Variants in PTPRD observed in about 807,000 individuals in gnomAD.
PTPRD encodes the protein protein tyrosine phosphatase receptor type D, also known as receptor-type tyrosine-protein phosphatase delta.
PTPRD carries 34 observed loss-of-function variants against 214.5 expected under a neutral mutation model. That is an observed-to-expected ratio of 0.16 (90% confidence interval 0.12 to 0.21). PTPRD has a LOEUF of 0.21. PTPRD is among the 10% of genes least tolerant of loss of function. The pLI is 1.00. For missense variants in PTPRD, 2,545 were observed against 2,398.7 expected (o/e 1.06, Z -1.27); for synonymous variants, 1,128 against 845.7 (o/e 1.33, Z -5.79).
At chr9:8,935,245 A>T (rs1021256510) in intron 11 of PTPRD, among the ~76,000 whole-genome samples, 2 of 152,198 alleles carry the variant, frequency 1.3e-5, no homozygotes, top group African/African-American at 4.8e-5. Flanking sequence ...TAATAAAAAA[A>T]TTCAGTAAAG....
intron 5 of PTPRD, among the ~76,000 whole-genome samples, chr9:9,916,946 A>G (rs1438131216): frequency 6.6e-6 from 1 of 151,934 alleles, no homozygotes; most frequent in Non-Finnish European, 1.5e-5. Context: ...GAAATTAAAC[A>G]ACATGTTCTC....
At chr9:10,460,043 G>A (rs565001988) in intron 2 of PTPRD, among the ~76,000 whole-genome samples, 1 of 152,086 alleles carries the variant, frequency 6.6e-6, no homozygotes, top group East Asian at 1.9e-4. Flanking sequence ...GAGAGTTTCG[G>A]AGATGGATGG....
At chr9:9,803,092 A>G (rs952449347) in intron 5 of PTPRD, among the ~76,000 whole-genome samples, 4 of 151,950 alleles carry the variant, frequency 2.6e-5, no homozygotes, top group African/African-American at 9.7e-5. Context: ...AAATTTAAAA[A>G]TCTATAATTA....
At chr9:9,499,312 T>C (rs1193651166) in intron 8 of PTPRD, among the ~76,000 whole-genome samples, 2 of 152,116 alleles carry the variant, frequency 1.3e-5, no homozygotes, top group Non-Finnish European at 1.5e-5. Context: ...TGTGCATTCA[T>C]GGCAGGGAAA....
At chr9:9,320,122 T>A (rs1965703430) in intron 9 of PTPRD, among the ~76,000 whole-genome samples, 1 of 152,206 alleles carries the variant, frequency 6.6e-6, no homozygotes, top group Non-Finnish European at 1.5e-5. Context: ...AACTCAAATT[T>A]AGGTATATAA....
At chr9:8,682,974 G>C (rs546804193) in intron 12 of PTPRD, among the ~76,000 whole-genome samples, 8 of 152,202 alleles carry the variant, frequency 5.3e-5, no homozygotes, top group African/African-American at 1.9e-4. Context: ...CCCAAAAAAA[G>C]TGTCTAAAGG....
chr9:9,691,136 T>G (rs1230433177), intron 7 of PTPRD, among the ~76,000 whole-genome samples: 1 of 151,982 alleles, frequency 6.6e-6, no homozygotes, highest in Non-Finnish European at 1.5e-5. Flanking sequence ...AGCATTATCC[T>G]TTGTGTTTTA....
At chr9:8,681,223 T>C (rs1212824499) in intron 12 of PTPRD, among the ~76,000 whole-genome samples, 2 of 152,246 alleles carry the variant, frequency 1.3e-5, no homozygotes, top group Admixed American at 1.3e-4. Context: ...TTTTAGATGT[T>C]AGAAATCAGT....
Position 9,427,539 on chromosome 9 carries a change from T to C in PTPRD, c.-236-30057A>G, listed in dbSNP as rs763528973. On this transcript the variant is annotated intron_variant, in intron 8 of 45. Transcript: ENST00000381196. Reference sequence around the variant, plus strand: ...CCCAACCTAGCAAGGCAGGCCAACATTGAAATCAGGAAACACAGAAAATGC... The same window carrying C: ...CCCAACCTAGCAAGGCAGGCCAACACTGAAATCAGGAAACACAGAAAATGC... 4.3e-4 allele frequency among the ~76,000 whole-genome samples: 45 copies of C among 103,732 alleles called. No homozygotes were observed. The Middle Eastern group carries it at 0.02, about 46-fold the overall frequency. 68.1% of individuals were successfully genotyped at this position (103,732 alleles called of 152,430 possible). A position where few individuals can be genotyped will look rare whatever the true frequency, so the allele number is the denominator to read the frequency against.
intron 3 of PTPRD, among the ~76,000 whole-genome samples, chr9:10,244,328 T>G (rs747331933): frequency 5.9e-5 from 9 of 152,150 alleles, no homozygotes; most frequent in Non-Finnish European, 1.3e-4. Context: ...TATTGATTTA[T>G]GCAGTCTGCC....
intron 3 of PTPRD, among the ~76,000 whole-genome samples, chr9:10,221,740 G>C (rs1787350389): frequency 1.3e-5 from 2 of 151,598 alleles, no homozygotes; most frequent in African/African-American, 4.8e-5. Context: ...ACAAAGCAAT[G>C]TATAGCAACT....
intron 19 of PTPRD, among the ~76,000 whole-genome samples, chr9:8,523,052 G>T (rs1186691894): frequency 6.6e-6 from 1 of 152,070 alleles, no homozygotes; most frequent in Non-Finnish European, 1.5e-5. Flanking sequence ...ATTCACAGAG[G>T]TTACACAAAG....
chr9:8,378,079 T>G (rs2083801900), intron 37 of PTPRD, among the ~76,000 whole-genome samples: 1 of 152,082 alleles, frequency 6.6e-6, no homozygotes, highest in African/African-American at 2.4e-5. Flanking sequence ...GATTTCAACT[T>G]TGAGACCACA....
At chr9:10,152,859 T>C (rs2099070392) in intron 3 of PTPRD, among the ~76,000 whole-genome samples, 1 of 152,102 alleles carries the variant, frequency 6.6e-6, no homozygotes, top group Admixed American at 6.5e-5. Context: ...TTCTGACATT[T>C]GTGACAGCAT....
Position 10,523,616 on chromosome 9 carries a change from T to TAGAGAGAGAGAGAGAG in PTPRD, c.-600+88781_-600+88782insCTCTCTCTCTCTCTCT, listed in dbSNP as rs1273686911. Among the ~76,000 whole-genome samples, 64 of 100,616 alleles carry TAGAGAGAGAGAGAGAG rather than the reference T, an allele frequency of 6.4e-4. 2 individuals carry two copies. The highest frequency in any genetic ancestry group is 1.5e-3 in the African/African-American group (51 of 32,916). 66.0% of individuals were successfully genotyped at this position (100,616 alleles called of 152,430 possible). On this transcript the variant is annotated intron_variant, in intron 2 of 45. Transcript: ENST00000381196. ...ATATTTATCTGTATATATATATATA[T>TAGAGAGAGAGAGAGAG]ATATATAGACAGAAAGAAAGGGAGA...
intron 3 of PTPRD, among the ~76,000 whole-genome samples, chr9:10,335,671 A>G (rs534264577): frequency 4.6e-4 from 70 of 151,908 alleles, no homozygotes; most frequent in Middle Eastern, 6.8e-3. Flanking sequence ...CAGTGACTGT[A>G]AGAAAATATT....
chr9:10,254,545 G>C (rs2498610), intron 3 of PTPRD, among the ~76,000 whole-genome samples: 95,034 of 151,818 alleles, frequency 0.63, 30,259 homozygotes, highest in Non-Finnish European at 0.69. Context: ...AAACGATTTA[G>C]CCCCATCAGC....
chr9:10,513,421 A>G (rs1441553405), intron 2 of PTPRD, among the ~76,000 whole-genome samples: 1 of 152,166 alleles, frequency 6.6e-6, no homozygotes, highest in Admixed American at 6.6e-5. Context: ...TGGAATTTCA[A>G]AAATACAATG....
chr9:8,323,723 G>A (rs1250872840), intron 44 of PTPRD, among the ~76,000 whole-genome samples: 2 of 152,142 alleles, frequency 1.3e-5, no homozygotes, highest in African/African-American at 4.8e-5. Flanking sequence ...AAAGAAAGTG[G>A]CTTCTCAAGA....
Sources: allele counts gnomAD v4.1 joint callset (sites outside exome capture counted in the v4.1 genomes callset), GRCh38; gene constraint gnomAD v4.1.1; transcripts MANE v1.5; gene names NCBI Gene and HGNC (gene_info 2026-07-23, HGNC 2026-07-21).